The following HERC2 variants were observed in gnomAD, a reference collection of about 807,000 sequenced individuals.
HERC2 encodes E3 ubiquitin-protein ligase HERC2.
HERC2 carries 102 observed loss-of-function variants against 537.7 expected under a neutral mutation model. The ratio of observed to expected loss-of-function variants is 0.19; its 90% CI spans 0.16 to 0.22. The LOEUF is 0.22. HERC2 is among the 10% of genes least tolerant of loss of function. The pLI, the probability that HERC2 is intolerant of heterozygous loss-of-function variation, is 1.00. For missense variants in HERC2, 4,236 were observed against 6,198.2 expected, an observed-to-expected ratio of 0.68 and a Z score of 10.63; for synonymous variants, 2,224 against 2,466.2, an observed-to-expected ratio of 0.90 and a Z score of 2.91.
intron 21 of HERC2, 120 bp from the exon 22 acceptor site, chr15:28,247,017 A>C (rs1903775757): frequency 2.3e-6 from 2 of 858,696 alleles, no homozygotes; most frequent in East Asian, 5.5e-5. Context: ...ATTTTCTCAA[A>C]CAGAAGCCTG....
chr15:28,173,881 C>T (rs1433480266), intron 65 of HERC2, among the ~76,000 whole-genome samples: 3 of 151,136 alleles, frequency 2.0e-5, no homozygotes, highest in East Asian at 3.9e-4. Context: ...TAAATTGGTG[C>T]ATACGGCAGG....
At chr15:28,317,810 T>C (rs1198201117) in intron 2 of HERC2, among the ~76,000 whole-genome samples, 6 of 152,364 alleles carry the variant, frequency 3.9e-5, no homozygotes, top group Middle Eastern at 3.4e-3. Context: ...TACTCTATTA[T>C]AATTACATAA....
chr15:28,142,178 A>C (rs1380331005), intron 76 of HERC2, 60 bp downstream of exon 76: 2 of 1,553,076 alleles, frequency 1.3e-6, no homozygotes, highest in Non-Finnish European at 1.7e-6. Flanking sequence ...GCATCTTGTT[A>C]CACTATAGCT....
intron 4 of HERC2, among the ~76,000 whole-genome samples, chr15:28,286,868 C>T (rs1185402253): frequency 2.6e-5 from 4 of 152,118 alleles, no homozygotes; most frequent in Non-Finnish European, 2.9e-5. Context: ...TGAACTCCTG[C>T]TGAGGGCCTA....
At position 28,269,394 on chromosome 15, in the gene HERC2, T is replaced by C. The variant is rs1374526798; in HGVS notation, c.1300A>G (p.Lys434Glu). The change falls in exon 11 of 93, where the codon AAA becomes GAA. Residue 434 changes from lysine (K) to glutamate (E), a missense_variant. By Grantham distance (56) the Lys-to-Glu change is moderately conservative (BLOSUM62 1). Coordinates refer to ENST00000261609, the MANE Select transcript of HERC2 (RefSeq NM_004667.6). ...EVIGWGLIGW[K>E]YYANVIGPIQ... ...GGACCAATCACATTGGCATAGTATT[T>C]CCATCCTATTAACCCCCAACCTATG... 1 of 1,614,186 alleles carries C rather than the reference T, an allele frequency of 6.2e-7. No homozygotes were observed. Among genetic ancestry groups the C allele is most frequent in the Non-Finnish European group, 8.5e-7 (1 of 1,180,022 alleles).
At chr15:28,159,424 T>C (rs1463516751) in intron 69 of HERC2, among the ~76,000 whole-genome samples, 2 of 152,036 alleles carry the variant, frequency 1.3e-5, no homozygotes, top group Non-Finnish European at 2.9e-5. Flanking sequence ...TTCTTGGAGG[T>C]TTTGTTCATT....
intron 31 of HERC2, among the ~76,000 whole-genome samples, chr15:28,230,086 T>C (rs1254377205): frequency 7.9e-5 from 12 of 152,218 alleles, no homozygotes; most frequent in Non-Finnish European, 7.3e-5. Context: ...TTCATATTAA[T>C]AGCCACAGGG....
chr15:28,299,383 A>C lies in HERC2; in HGVS notation c.187+19T>G. 1 of 1,037,310 alleles carries C rather than the reference A, an allele frequency of 9.6e-7. No homozygotes were observed. Among genetic ancestry groups the C allele is most frequent in the Non-Finnish European group, 1.5e-6 (1 of 672,306 alleles). 64.3% of individuals were successfully genotyped at this position (1,037,310 alleles called of 1,614,324 possible). On this transcript the variant is annotated intron_variant, in intron 3 of 92. Transcript: ENST00000261609. ...TAATGGTCTTTACCAAATAAAAAACACTAGTTAAAGGCCCTTACCTTTTCT... is the reference window on the plus strand; with the variant it reads ...TAATGGTCTTTACCAAATAAAAAACCCTAGTTAAAGGCCCTTACCTTTTCT...
Position 28,229,857 on chromosome 15 carries a change from G to A in HERC2, c.4810-10C>T, listed in dbSNP as rs775084149. 6.0e-5 allele frequency: 61 copies of A among 1,018,158 alleles called. No individual in the cohort carries two copies. Among genetic ancestry groups the A allele is most frequent in the Non-Finnish European group, 8.8e-5 (57 of 649,998 alleles). 63.1% of individuals were successfully genotyped at this position (1,018,158 alleles called of 1,614,324 possible). Reference sequence around the variant, plus strand: ...GCGGCTGCCATTTGTCCTAACAAAGGAAAACAATTTTCATCATTAGTCTAC... The same window carrying A: ...GCGGCTGCCATTTGTCCTAACAAAGAAAAACAATTTTCATCATTAGTCTAC... On this transcript the variant is annotated splice_polypyrimidine_tract_variant and intron_variant, in intron 31 of 92. Coordinates refer to ENST00000261609, the MANE Select transcript of HERC2 (RefSeq NM_004667.6).
In HERC2 at chr15:28,202,334, G is replaced by A; in HGVS notation, c.7480+13C>T. On this transcript the variant is annotated intron_variant, in intron 46 of 92. Transcript: ENST00000261609. ...CCACACATACACAAGCAGAGGCCAG[G>A]AAAACGAAGTACCAGGCAAGCTGGA... is the stretch of plus-strand genomic sequence containing the variant. 3.7e-6 allele frequency: 6 copies of A among 1,613,654 alleles called. No homozygotes were observed. The highest frequency in any genetic ancestry group is 4.2e-6 in the Non-Finnish European group (5 of 1,179,662).
chr15:28,128,602 A>G (rs938353670), intron 83 of HERC2, among the ~76,000 whole-genome samples: 2 of 152,262 alleles, frequency 1.3e-5, no homozygotes, highest in East Asian at 1.9e-4. Context: ...ATAATTCACC[A>G]AAGGCTTTAA....
At chr15:28,269,196 C>T (rs2140976742) in intron 11 of HERC2, 52 bp downstream of exon 11, 2 of 1,487,956 alleles carry the variant, frequency 1.3e-6, no homozygotes, top group South Asian at 1.2e-5. Flanking sequence ...ATCTGTAGGA[C>T]AGACCCTGCC....
chr15:28,202,784 G>C (rs528085835), intron 45 of HERC2, 170 bp from the exon 46 acceptor site: 206 of 229,958 alleles, frequency 9.0e-4, no homozygotes, highest in Non-Finnish European at 1.4e-3. Flanking sequence ...GTTAGAAAAT[G>C]ACAAAGCCAA....
At chr15:28,249,446 T>C (rs1904053819) in intron 20 of HERC2, among the ~76,000 whole-genome samples, 1 of 152,142 alleles carries the variant, frequency 6.6e-6, no homozygotes, top group African/African-American at 2.4e-5. Flanking sequence ...AAGAAACATA[T>C]GTTCCCAGAA....
chr15:28,149,511 A>C lies in HERC2; in HGVS notation c.10900+3166T>G, dbSNP rs1596058477. On this transcript the variant is annotated intron_variant, in intron 70 of 92. Coordinates refer to ENST00000261609, the MANE Select transcript of HERC2 (RefSeq NM_004667.6). ...TACATTCCAGTAACATTACCAAAAAAACACACGCGGCTCCTAACCGAGAAC... is the reference window on the plus strand; with the variant it reads ...TACATTCCAGTAACATTACCAAAAACACACACGCGGCTCCTAACCGAGAAC... Among the ~76,000 whole-genome samples, 6 of 151,862 alleles carry C rather than the reference A, an allele frequency of 4.0e-5. No homozygotes were observed. The South Asian group carries it at 1.3e-3, about 32-fold the overall frequency.
Position 28,229,330 on chromosome 15 carries a change from A to C in HERC2, c.5137T>G (p.Cys1713Gly), listed in dbSNP as rs1358023925. 6.2e-7 allele frequency: 1 copy of C among 1,613,006 alleles called. No homozygotes were observed. The highest frequency in any genetic ancestry group is 8.5e-7 in the Non-Finnish European group (1 of 1,178,972). Reference protein sequence around the residue: ...GIDIGEPLTDCLKDVDLIPPF... With the variant: ...GIDIGEPLTDGLKDVDLIPPF... ...GGGATCAAATCAACATCCTTTAAAC[A>C]ATCAGTAAGAGGTTCCCTTTCAAAT... The change falls in exon 34 of 93, where the codon TGT becomes GGT. Residue 1713 changes from cysteine (C) to glycine (G), a missense_variant. By Grantham distance (159) the Cys-to-Gly change is radical. Coordinates refer to ENST00000261609, the MANE Select transcript of HERC2 (RefSeq NM_004667.6).
At position 28,246,061 on chromosome 15, in the gene HERC2, G is replaced by A; in HGVS notation, c.3397C>T (p.Leu1133Phe). ...ATAGAAACTACTAGTTCTGGAAGGA[G>A]AACACCTACATTTAAGAAATAATAA... ...YIVEGDFTGV[L>F]LPELVVSIVL... Residue 1133 changes from leucine to phenylalanine, a missense_variant, in exon 23 of 93, where the codon CTC becomes TTC. Physicochemically the swap from Leu to Phe is conservative, Grantham distance 22 (BLOSUM62 0). Transcript: ENST00000261609. 6.3e-7 allele frequency: 1 copy of A among 1,585,868 alleles called. No individual in the cohort carries two copies. Among genetic ancestry groups the A allele is most frequent in the Non-Finnish European group, 8.6e-7 (1 of 1,161,482 alleles).
At chr15:28,218,179 C>T (rs922581387) in intron 38 of HERC2, among the ~76,000 whole-genome samples, 6 of 151,384 alleles carry the variant, frequency 4.0e-5, no homozygotes, top group Admixed American at 3.3e-4. Context: ...GTGAAGATGA[C>T]GGCAGAGATA....
intron 10 of HERC2, among the ~76,000 whole-genome samples, chr15:28,270,172 A>G (rs2075679012): frequency 2.0e-5 from 3 of 152,220 alleles, no homozygotes; most frequent in Admixed American, 2.0e-4. Context: ...CAAGTTGGCC[A>G]GGCTGGAGAA....
Sources: gnomAD v4.1 joint callset for allele counts (sites outside exome capture counted in the v4.1 genomes callset) on GRCh38, gnomAD v4.1.1 for gene constraint, MANE v1.5 for transcripts, NCBI Gene and HGNC (gene_info 2026-07-23, HGNC 2026-07-21) for gene names.